Variants in ENC1 observed in about 807,000 individuals in gnomAD.
The protein encoded by ENC1 is ectodermal-neural cortex 1, also known as ectoderm-neural cortex protein 1.
A neutral mutation model predicts 40.9 loss-of-function variants in ENC1; 19 were observed. The ratio of observed to expected loss-of-function variants is 0.46; its 90% CI spans 0.32 to 0.68. The LOEUF (loss-of-function observed/expected upper bound fraction) is 0.68, where lower values mean the gene tolerates loss of function less well. Among genes scored for constraint, ENC1 ranks in the 30% least tolerant of loss-of-function variants. The pLI, the probability that ENC1 is intolerant of heterozygous loss-of-function variation, is 0.03. For missense variants in ENC1, 479 were observed against 737.5 expected (o/e 0.65, Z 4.06); for synonymous variants, 285 against 291.1 (o/e 0.98, Z 0.21).
chr5:74,630,387 G>A (rs751983410), intron 2 of ENC1, among the ~76,000 whole-genome samples: 2 of 152,138 alleles, frequency 1.3e-5, no homozygotes, highest in Non-Finnish European at 2.9e-5. Flanking sequence ...TAAACAGAGC[G>A]ACTGTAAAGT....
intron 2 of ENC1, chr5:74,632,329 A>C (rs551360715): frequency 2.0e-5 from 3 of 152,354 alleles, no homozygotes; most frequent in African/African-American, 4.8e-5. Context: ...TTCATATCTC[A>C]AATGAAATAA....
At chr5:74,637,367 A>G (rs1030079032) in intron 1 of ENC1, 1 of 152,078 alleles carries the variant, frequency 6.6e-6, no homozygotes, top group African/African-American at 2.4e-5. Flanking sequence ...TTAAAGATTA[A>G]TTTCTAACCA....
intron 1 of ENC1, among the ~76,000 whole-genome samples, chr5:74,638,525 A>C (rs1341652952): frequency 6.6e-6 from 1 of 152,218 alleles, no homozygotes; most frequent in Non-Finnish European, 1.5e-5. Flanking sequence ...GATATAAAAA[A>C]TGGTGAGGAG....
intron 2 of ENC1, among the ~76,000 whole-genome samples, chr5:74,634,416 A>G (rs1747500048): frequency 6.6e-6 from 1 of 151,834 alleles, no homozygotes; most frequent in Non-Finnish European, 1.5e-5. Flanking sequence ...TGTCTCAAAT[A>G]ATAATAATAA....
chr5:74,632,748 G>C (rs1345278975), intron 2 of ENC1, among the ~76,000 whole-genome samples: 1 of 152,194 alleles, frequency 6.6e-6, no homozygotes, highest in Admixed American at 6.5e-5. Flanking sequence ...CTACTTGGAA[G>C]GCTGAGGCAG....
At position 74,635,666 on chromosome 5, in the gene ENC1, G is replaced by A. The variant is rs748303996; in HGVS notation, c.820C>T (p.Leu274=). 1.9e-6 allele frequency: 3 copies of A among 1,614,208 alleles called. No individual in the cohort carries two copies. Among genetic ancestry groups the A allele is most frequent in the Non-Finnish European group, 2.5e-6 (3 of 1,180,026 alleles). ...ACACCGTCATTCTGCAGGATTTTCAGTTTGCACCTGATGGCCTCTTCCACA... is the reference window on the plus strand; with the variant it reads ...ACACCGTCATTCTGCAGGATTTTCAATTTGCACCTGATGGCCTCTTCCACA... ...EIVEEAIRCK[L]KILQNDGVVT... is the part of the protein sequence containing the mutation. The change falls in exon 2 of 3, where the codon CTG becomes TTG. Residue 274 remains leucine (L), a synonymous_variant. Coordinates refer to ENST00000302351, the MANE Select transcript of ENC1 (RefSeq NM_003633.4). This position sits in a 1 kb window ranked among gnomAD's most constrained non-coding sequence, Gnocchi z 5.5.
chr5:74,628,450 C>G lies in ENC1; in HGVS notation c.*1575G>C, dbSNP rs1747275923. 1 of 152,598 alleles carries G rather than the reference C, an allele frequency of 6.6e-6. No individual in the cohort carries two copies. Among genetic ancestry groups the G allele is most frequent in the African/African-American group, 2.4e-5 (1 of 41,424 alleles). 9.5% of individuals were successfully genotyped at this position (152,598 alleles called of 1,614,324 possible). On this transcript the variant is annotated 3_prime_UTR_variant, in exon 3 of 3. Coordinates refer to ENST00000302351, the MANE Select transcript of ENC1 (RefSeq NM_003633.4). ...CCTCAGGGGAAGCACCTATCTGAGA[C>G]TAGCACTAATACCTACGACGGCACA... is the stretch of plus-strand genomic sequence containing the variant.
At position 74,635,862 on chromosome 5, in the gene ENC1, C is replaced by T; in HGVS notation, c.624G>A (p.Arg208=). 6.2e-7 allele frequency: 1 copy of T among 1,613,998 alleles called. No individual in the cohort carries two copies. The highest frequency in any genetic ancestry group is 8.5e-7 in the Non-Finnish European group (1 of 1,180,028). The change falls in exon 2 of 3, where the codon AGG becomes AGA. Residue 208 remains arginine (R), a synonymous_variant. Coordinates refer to ENST00000302351, the MANE Select transcript of ENC1 (RefSeq NM_003633.4). The surrounding 1 kb of genome is among the most constrained non-coding windows in gnomAD (Gnocchi z 5.5). ...AGTTAATTGCAGACTCGTACACAAG[C>T]CTTTCATCCTCTGTCTCCAGCTCTT... ...SSEELETEDE[R]LVYESAINWI...
At chr5:74,634,615 A>G in intron 2 of ENC1, 69 bp downstream of exon 2, 4 of 732,880 alleles carry the variant, frequency 5.5e-6, no homozygotes, top group African/African-American at 1.8e-5. Flanking sequence ...ATCAGATCTC[A>G]CCCCATGTAC....
In ENC1 at chr5:74,629,335, T is replaced by C. The variant is rs1747311687; in HGVS notation, c.*690A>G. The C allele has an allele frequency of 6.6e-6, 1 of 152,226 alleles. No homozygotes were observed. The highest frequency in any genetic ancestry group is 1.9e-4 in the East Asian group (1 of 5,200). 9.4% of individuals were successfully genotyped at this position (152,226 alleles called of 1,614,324 possible). ...GACAGCTGTAGGCATTGTTTCAGCA[T>C]GCAGGCATCGAACAATAAATAGCTA... On this transcript the variant is annotated 3_prime_UTR_variant, in exon 3 of 3. Transcript: ENST00000302351.
At position 74,634,597 on chromosome 5, in the gene ENC1, C is replaced by T. The variant is rs116174104; in HGVS notation, c.*32+87G>A. 1,370 of 674,198 alleles carry T rather than the reference C, an allele frequency of 2.0e-3. 13 individuals carry two copies. The African/African-American group carries it at 0.022, about 11-fold the overall frequency. 41.8% of individuals were successfully genotyped at this position (674,198 alleles called of 1,614,324 possible). A position where few individuals can be genotyped will look rare whatever the true frequency, so the allele number is the denominator to read the frequency against. ...TTTGGTAGTACTTCTGCAGTACAGT[C>T]TCTGTGGATCAGATCTCACCCCATG... is the stretch of plus-strand genomic sequence containing the variant. On this transcript the variant is annotated intron_variant, in intron 2 of 2. Transcript: ENST00000302351.
At position 74,635,956 on chromosome 5, in the gene ENC1, T is replaced by C; in HGVS notation, c.530A>G (p.Gln177Arg). ...LSWRMCLSNF[Q>R]TIRKNEDFLQ... Reference sequence around the variant, plus strand: ...GAAATCTTCATTCTTCCTGATGGTTTGGAAGTTGCTGAGACACATTCTCCA... The same window carrying C: ...GAAATCTTCATTCTTCCTGATGGTTCGGAAGTTGCTGAGACACATTCTCCA... Residue 177 changes from glutamine to arginine, a missense_variant, in exon 2 of 3, where the codon CAA becomes CGA. Coordinates refer to ENST00000302351, the MANE Select transcript of ENC1 (RefSeq NM_003633.4). This position sits in a 1 kb window ranked among gnomAD's most constrained non-coding sequence, Gnocchi z 5.5. The C allele has an allele frequency of 6.2e-7, 1 of 1,614,178 alleles. No individual in the cohort carries two copies.
chr5:74,632,276 G>A (rs922732621), intron 2 of ENC1: 6 of 152,162 alleles, frequency 3.9e-5, no homozygotes, highest in East Asian at 1.9e-4. Flanking sequence ...TGATGCTTTC[G>A]CCTAGGAGGT....
chr5:74,634,109 C>A (rs763712956), intron 2 of ENC1, among the ~76,000 whole-genome samples: 1 of 152,092 alleles, frequency 6.6e-6, no homozygotes, highest in East Asian at 1.9e-4. Flanking sequence ...CTGGGATGGG[C>A]AGTTTTTAAA....
At chr5:74,631,175 AG>A (rs1747380312) in intron 2 of ENC1, among the ~76,000 whole-genome samples, 1 of 150,724 alleles carries the variant, frequency 6.6e-6, no homozygotes. Context: ...AAAAAAAAAA[AG>A]GACACACAAC....
At chr5:74,637,852 C>T (rs1464147665) in intron 1 of ENC1, among the ~76,000 whole-genome samples, 2 of 151,870 alleles carry the variant, frequency 1.3e-5, no homozygotes, top group Non-Finnish European at 2.9e-5. Context: ...GACTACAGTG[C>T]TTTCCTTGGT....
At position 74,635,682 on chromosome 5, in the gene ENC1, C is replaced by G. The variant is rs1356446350; in HGVS notation, c.804G>C (p.Glu268Asp). The G allele has an allele frequency of 3.7e-6, 6 of 1,614,182 alleles. No individual in the cohort carries two copies. The highest frequency in any genetic ancestry group is 5.1e-6 in the Non-Finnish European group (6 of 1,180,024). The change falls in exon 2 of 3, where the codon GAG becomes GAC. Residue 268 changes from glutamate (E) to aspartate (D), a missense_variant. Glu to Asp is a conservative substitution (Grantham distance 45, BLOSUM62 2). Transcript: ENST00000302351. The surrounding 1 kb of genome is among the most constrained non-coding windows in gnomAD (Gnocchi z 5.5). ...KQRKSKEIVE[E>D]AIRCKLKILQ... ...GGATTTTCAGTTTGCACCTGATGGC[C>G]TCTTCCACAATTTCCTTACTCTTTC... is the stretch of plus-strand genomic sequence containing the variant.
intron 2 of ENC1, among the ~76,000 whole-genome samples, chr5:74,633,626 A>G (rs981220636): frequency 1.3e-5 from 2 of 152,250 alleles, no homozygotes; most frequent in African/African-American, 4.8e-5. Context: ...TTAAACCCTA[A>G]TCATTCTACA....
At chr5:74,631,638 T>C (rs989263613) in intron 2 of ENC1, among the ~76,000 whole-genome samples, 1 of 152,220 alleles carries the variant, frequency 6.6e-6, no homozygotes, top group Non-Finnish European at 1.5e-5. Flanking sequence ...TTAGTTTTCA[T>C]GTGCTTGACT....
Sources: allele counts gnomAD v4.1 joint callset (sites outside exome capture counted in the v4.1 genomes callset), GRCh38; gene constraint gnomAD v4.1.1; non-coding constraint Gnocchi (gnomAD v3.1); transcripts MANE v1.5; gene names NCBI Gene and HGNC (gene_info 2026-07-23, HGNC 2026-07-21).